The following CD58 variants were observed in gnomAD, a reference collection of about 807,000 sequenced individuals.
CD58 encodes CD58 molecule.
In CD58, 14 loss-of-function variants were observed where a neutral mutation model predicts 27.6. The ratio of observed to expected loss-of-function variants is 0.51; its 90% CI spans 0.34 to 0.79. The LOEUF (loss-of-function observed/expected upper bound fraction) is 0.79. Among genes scored for constraint, CD58 ranks in the 30% least tolerant of loss-of-function variants. The pLI is 0.02. For synonymous variants in CD58, 117 were observed against 103.8 expected (o/e 1.13, Z -0.77); for missense variants, 268 against 301.7 (o/e 0.89, Z 0.83).
chr1:116,536,781 A>G lies in CD58; in HGVS notation c.365-553T>C, dbSNP rs189451981. ...TTTATAGCAGTGTGAAAACAGACCA[A>G]TACAGGCCCCAAATCCCTTATCCTC... On this transcript the variant is annotated intron_variant, in intron 2 of 5. Coordinates refer to ENST00000369489, the MANE Select transcript of CD58 (RefSeq NM_001779.3). The surrounding 1 kb of genome is among the most constrained non-coding windows in gnomAD (Gnocchi z 5.4). Among the ~76,000 whole-genome samples, 485 of 152,314 alleles carry G rather than the reference A, an allele frequency of 3.2e-3. 2 individuals carry two copies. Among genetic ancestry groups the G allele is most frequent in the African/African-American group, 0.011 (458 of 41,554 alleles).
chr1:116,557,916 C>T lies in CD58; in HGVS notation c.70+12987G>A, dbSNP rs1658615196. 6.6e-6 allele frequency among the ~76,000 whole-genome samples: 1 copy of T among 152,046 alleles called. No homozygotes were observed. Among genetic ancestry groups the T allele is most frequent in the South Asian group, 2.1e-4 (1 of 4,820 alleles). On this transcript the variant is annotated intron_variant, in intron 1 of 5. Coordinates refer to ENST00000369489, the MANE Select transcript of CD58 (RefSeq NM_001779.3). This position sits in a 1 kb window ranked among gnomAD's most constrained non-coding sequence, Gnocchi z 5.2. The stretch of plus-strand genomic sequence containing the variant: ...CTCAAACTCGTGGGCTCAAGTGATC[C>T]TCCTCCCTGGGCCTTCTGAAGTGCT...
At position 116,571,013 on chromosome 1, in the gene CD58, G is replaced by A. The variant is rs1659129056; in HGVS notation, c.-41C>T. 1.3e-6 allele frequency: 2 copies of A among 1,507,118 alleles called. No individual in the cohort carries two copies. Among genetic ancestry groups the A allele is most frequent in the Admixed American group, 2.0e-5 (1 of 49,938 alleles). 93.4% of individuals were successfully genotyped at this position (1,507,118 alleles called of 1,614,324 possible). Reference sequence around the variant, plus strand: ...CCTCTGCGCGAGTGCCCAGCCACAAGCAGCCCTAAGTTCAAGCACCGCCTA... The same window carrying A: ...CCTCTGCGCGAGTGCCCAGCCACAAACAGCCCTAAGTTCAAGCACCGCCTA... On this transcript the variant is annotated 5_prime_UTR_variant, in exon 1 of 6. Transcript: ENST00000369489.
rs1384622713 is a variant in CD58 at position 116,544,371 on chromosome 1, C to T, written c.304G>A (p.Glu102Lys). 6.2e-7 allele frequency: 1 copy of T among 1,612,324 alleles called. No individual in the cohort carries two copies. Among genetic ancestry groups the T allele is most frequent in the African/African-American group, 1.3e-5 (1 of 74,868 alleles). Residue 102 changes from glutamate to lysine, a missense_variant, in exon 2 of 6, where the codon GAG becomes AAG. Coordinates refer to ENST00000369489, the MANE Select transcript of CD58 (RefSeq NM_001779.3). ...ATATTTGGCGATTCCATTTCATACT[C>T]ATCTTCATCTGATGATGTTAAGTTG... The part of the protein sequence containing the change: ...IYNLTSSDED[E>K]YEMESPNITD...
chr1:116,566,511 T>C (rs1658941274), intron 1 of CD58, among the ~76,000 whole-genome samples: 1 of 152,140 alleles, frequency 6.6e-6, no homozygotes. Flanking sequence ...CTAAATACCA[T>C]CTCTCACTAA....
At chr1:116,560,905 C>A (rs1658729617) in intron 1 of CD58, among the ~76,000 whole-genome samples, 1 of 152,128 alleles carries the variant, frequency 6.6e-6, no homozygotes, top group Admixed American at 6.5e-5. Flanking sequence ...CACTTACAAC[C>A]CTGAGATGGA....
intron 2 of CD58, among the ~76,000 whole-genome samples, chr1:116,540,480 T>C (rs541853554): frequency 1.3e-5 from 2 of 152,342 alleles, no homozygotes; most frequent in East Asian, 3.9e-4. Flanking sequence ...TCTACCTGGA[T>C]GATAGTAGCT....
At chr1:116,567,470 T>C (rs115732233) in intron 1 of CD58, among the ~76,000 whole-genome samples, 8,581 of 151,918 alleles carry the variant, frequency 0.056, 267 homozygotes, top group Admixed American at 0.089. Flanking sequence ...ACCCTGTTTC[T>C]ACAAAAACTA....
intron 1 of CD58, among the ~76,000 whole-genome samples, chr1:116,545,900 G>C (rs1658152728): frequency 6.6e-6 from 1 of 152,176 alleles, no homozygotes; most frequent in Non-Finnish European, 1.5e-5. Context: ...ACAGCAGCTG[G>C]GTCCTGTGGT....
chr1:116,547,000 A>G lies in CD58; in HGVS notation c.71-2396T>C, dbSNP rs1658201572. Among the ~76,000 whole-genome samples the G allele has an allele frequency of 6.6e-6, 1 of 151,258 alleles. No individual in the cohort carries two copies. Among genetic ancestry groups the G allele is most frequent in the South Asian group, 2.1e-4 (1 of 4,796 alleles). On this transcript the variant is annotated intron_variant, in intron 1 of 5. Transcript: ENST00000369489. This position sits in a 1 kb window ranked among gnomAD's most constrained non-coding sequence, Gnocchi z 4.1. The stretch of plus-strand genomic sequence containing the variant: ...TTCCTTATGCTTTTTTTTCTTTTTT[A>G]AATTTTTTTATTACTATTATCTCAA...
At position 116,550,905 on chromosome 1, in the gene CD58, G is replaced by A. The variant is rs149838805; in HGVS notation, c.71-6301C>T. ...CTCATCTCCTTGTACATCTCCATCA[G>A]AGCTCTTGGGTGATTAGGTGCATTG... On this transcript the variant is annotated intron_variant, in intron 1 of 5. Coordinates refer to ENST00000369489, the MANE Select transcript of CD58 (RefSeq NM_001779.3). This position sits in a 1 kb window ranked among gnomAD's most constrained non-coding sequence, Gnocchi z 4.2. Among the ~76,000 whole-genome samples the A allele has an allele frequency of 3.1e-3, 478 of 152,256 alleles. 1 individual carries two copies. The highest frequency in any genetic ancestry group is 8.7e-3 in the African/African-American group (360 of 41,552).
intron 1 of CD58, among the ~76,000 whole-genome samples, chr1:116,553,225 G>GT (rs1017428009): frequency 7.3e-5 from 11 of 150,584 alleles, no homozygotes; most frequent in South Asian, 2.1e-4. Context: ...CTGTATTATA[G>GT]TTTTTTTTCA....
chr1:116,558,950 C>A (rs1196395943), intron 1 of CD58, among the ~76,000 whole-genome samples: 1 of 152,068 alleles, frequency 6.6e-6, no homozygotes, highest in Non-Finnish European at 1.5e-5. Context: ...CTGAAATAAG[C>A]AGGCAGGATA....
chr1:116,517,600 A>T lies in CD58; in HGVS notation c.743+1631T>A, dbSNP rs1657120767. On this transcript the variant is annotated intron_variant, in intron 5 of 5. Transcript: ENST00000369489. The surrounding 1 kb of genome is among the most constrained non-coding windows in gnomAD (Gnocchi z 6.5). ...CTACCTCCTTGTCTCTGCAGCTTTA[A>T]CATGTAGCCTCCTCCCTCGAGTCTC... Among the ~76,000 whole-genome samples, 3 of 152,148 alleles carry T rather than the reference A, an allele frequency of 2.0e-5. No homozygotes were observed. The highest frequency in any genetic ancestry group is 4.4e-5 in the Non-Finnish European group (3 of 68,018).
chr1:116,557,103 TC>T lies in CD58; in HGVS notation c.71-12500del, dbSNP rs753140226. Among the ~76,000 whole-genome samples the T allele has an allele frequency of 1.3e-5, 2 of 152,186 alleles. No individual in the cohort carries two copies. Among genetic ancestry groups the T allele is most frequent in the East Asian group, 1.9e-4 (1 of 5,200 alleles). The stretch of plus-strand genomic sequence containing the variant: ...CCCCATATGTCTGGCATATGGACTT[TC>T]AATAAATATCTGTTGAATGAATTAA... On this transcript the variant is annotated intron_variant, in intron 1 of 5. Transcript: ENST00000369489. The surrounding 1 kb of genome is among the most constrained non-coding windows in gnomAD (Gnocchi z 5.2).
rs1251514429 is a variant in CD58, at chr1:116,522,488, T to C, written c.629-505A>G. ...AATCAACACTATATATTAAGGTTTATTTAAACAGAGACACACATAAAACAA... is the reference window on the plus strand; with the variant it reads ...AATCAACACTATATATTAAGGTTTACTTAAACAGAGACACACATAAAACAA... On this transcript the variant is annotated intron_variant, in intron 3 of 5. Transcript: ENST00000369489. The surrounding 1 kb of genome is among the most constrained non-coding windows in gnomAD (Gnocchi z 4.6). 6.6e-6 allele frequency among the ~76,000 whole-genome samples: 1 copy of C among 152,196 alleles called. No individual in the cohort carries two copies. The highest frequency in any genetic ancestry group is 1.5e-5 in the Non-Finnish European group (1 of 68,034).
intron 1 of CD58, among the ~76,000 whole-genome samples, chr1:116,564,160 G>A (rs1022752789): frequency 3.9e-5 from 6 of 152,140 alleles, no homozygotes; most frequent in Admixed American, 6.5e-5. Flanking sequence ...AAAGTTCCAC[G>A]TATCTTTAGG....
At chr1:116,535,938 C>T (rs1462627289) in intron 3 of CD58, 27 bp downstream of exon 3, 2 of 1,574,466 alleles carry the variant, frequency 1.3e-6, no homozygotes, top group African/African-American at 2.7e-5. Context: ...CTGAAAGCCT[C>T]CATGACACAT....
Position 116,552,929 on chromosome 1 carries a change from T to C in CD58, c.71-8325A>G, listed in dbSNP as rs1658438829. The stretch of plus-strand genomic sequence containing the variant: ...GCTGCATTGTTTACAAAAAAGACTT[T>C]GGCAATTTACATCTCCATCAGTAAT... On this transcript the variant is annotated intron_variant, in intron 1 of 5. Transcript: ENST00000369489. The surrounding 1 kb of genome is among the most constrained non-coding windows in gnomAD (Gnocchi z 4.5). 6.6e-6 allele frequency among the ~76,000 whole-genome samples: 1 copy of C among 152,222 alleles called. No homozygotes were observed. Among genetic ancestry groups the C allele is most frequent in the Admixed American group, 6.5e-5 (1 of 15,278 alleles).
rs1030662152 is a variant in CD58, at chr1:116,559,457, A to G, written c.70+11446T>C. Among the ~76,000 whole-genome samples, 6 of 152,210 alleles carry G rather than the reference A, an allele frequency of 3.9e-5. No individual in the cohort carries two copies. Among genetic ancestry groups the G allele is most frequent in the Admixed American group, 2.0e-4 (3 of 15,286 alleles). ...CCTGCACTGTTGGCCAGAACATCAG[A>G]TGCCTTGGTTGGGGCCATTCCTCTT... On this transcript the variant is annotated intron_variant, in intron 1 of 5. Transcript: ENST00000369489. The surrounding 1 kb of genome is among the most constrained non-coding windows in gnomAD (Gnocchi z 4.4).
Sources: allele counts gnomAD v4.1 joint callset (sites outside exome capture counted in the v4.1 genomes callset), GRCh38; gene constraint gnomAD v4.1.1; non-coding constraint Gnocchi (gnomAD v3.1); transcripts MANE v1.5; gene names NCBI Gene and HGNC (gene_info 2026-07-23, HGNC 2026-07-21).